Variants in VPS33B observed in about 807,000 individuals in gnomAD.
VPS33B encodes VPS33B late endosome and lysosome associated, also known as vacuolar protein sorting-associated protein 33B.
A neutral mutation model predicts 95.3 loss-of-function variants in VPS33B; 80 were observed. The observed-to-expected ratio is 0.84, with a 90% CI of 0.70 to 1.01. The LOEUF (loss-of-function observed/expected upper bound fraction) is 1.01, where lower values mean the gene tolerates loss of function less well. VPS33B is among the 50% of genes least tolerant of loss of function. VPS33B has a pLI of 0.00. For synonymous variants in VPS33B, 280 were observed against 280.4 expected, an observed-to-expected ratio of 1.00 and a Z score of 0.01; for missense variants, 715 against 773.4, an observed-to-expected ratio of 0.92 and a Z score of 0.90.
In VPS33B at chr15:91,005,618, G is replaced by C; in HGVS notation, c.1030+76C>G. The stretch of plus-strand genomic sequence containing the variant: ...TCAGATGAACAGGGATCTCCTCCTC[G>C]GGAGTAATGGTCCTCTGGAGCTTTC... On this transcript the variant is annotated intron_variant, in intron 13 of 22. Transcript: ENST00000333371. This position sits in a 1 kb window ranked among gnomAD's most constrained non-coding sequence, Gnocchi z 6.4. The C allele has an allele frequency of 6.3e-7, 1 of 1,588,106 alleles. No individual in the cohort carries two copies. The highest frequency in any genetic ancestry group is 1.7e-5 in the Admixed American group (1 of 59,978).
rs2040357823 is a variant in VPS33B, at chr15:90,999,113, C to A, written c.1775-59G>T. 8.6e-6 allele frequency: 13 copies of A among 1,519,574 alleles called. No individual in the cohort carries two copies. Among genetic ancestry groups the A allele is most frequent in the Non-Finnish European group, 1.2e-5 (13 of 1,100,030 alleles). 94.1% of individuals were successfully genotyped at this position (1,519,574 alleles called of 1,614,324 possible). ...CACAGATCTTAGGCCCCAACGGCAA[C>A]CCATAGAGCCTCTCCAGTTCCACAG... On this transcript the variant is annotated intron_variant, in intron 22 of 22. Coordinates refer to ENST00000333371, the MANE Select transcript of VPS33B (RefSeq NM_018668.5). This position sits in a 1 kb window ranked among gnomAD's most constrained non-coding sequence, Gnocchi z 5.1.
Position 91,005,588 on chromosome 15 carries a change from A to C in VPS33B, c.1030+106T>G. ...CCCACTTTACACCAAGTAAGACCAT[A>C]TGCATCAGATGAACAGGGATCTCCT... On this transcript the variant is annotated intron_variant, in intron 13 of 22. Coordinates refer to ENST00000333371, the MANE Select transcript of VPS33B (RefSeq NM_018668.5). This position sits in a 1 kb window ranked among gnomAD's most constrained non-coding sequence, Gnocchi z 6.4. The C allele has an allele frequency of 6.4e-7, 1 of 1,568,054 alleles. No individual in the cohort carries two copies. The highest frequency in any genetic ancestry group is 8.8e-7 in the Non-Finnish European group (1 of 1,138,182).
intron 1 of VPS33B, 88 bp from the exon 2 acceptor site, chr15:91,017,973 C>A: frequency 1.6e-6 from 2 of 1,249,030 alleles, no homozygotes; most frequent in Non-Finnish European, 2.3e-6. Flanking sequence ...CTAACAGAAA[C>A]AGTCTCTGAG....
At position 91,004,922 on chromosome 15, in the gene VPS33B, T is replaced by C. The variant is rs756348705; in HGVS notation, c.1180A>G (p.Ile394Val). 3 of 1,614,228 alleles carry C rather than the reference T, an allele frequency of 1.9e-6. No homozygotes were observed. In the Admixed American group the frequency reaches 5.0e-5, roughly 27 times the overall value. ...AGGCACATGAGGCGCAGGCTTTCTA[T>C]AGGCGACACCTGCATAGGAAGAAAG... is the stretch of plus-strand genomic sequence containing the variant. ...EEHIDRQVSP[I>V]ESLRLMCLLS... The change falls in exon 16 of 23, where the codon ATA becomes GTA. Residue 394 changes from isoleucine (I) to valine (V), a missense_variant. By Grantham distance (29) the Ile-to-Val change is conservative. Transcript: ENST00000333371.
At position 91,000,830 on chromosome 15, in the gene VPS33B, G is replaced by A; in HGVS notation, c.1480-239C>T. On this transcript the variant is annotated intron_variant, in intron 19 of 22. Coordinates refer to ENST00000333371, the MANE Select transcript of VPS33B (RefSeq NM_018668.5). This position sits in a 1 kb window ranked among gnomAD's most constrained non-coding sequence, Gnocchi z 4.9. ...AATAATGTAAAGGGGCTGGAGGGAT[G>A]GCTTCTCCTTTCCCTACCCTTAAGT... 2.0e-6 allele frequency: 1 copy of A among 493,514 alleles called. No homozygotes were observed. Among genetic ancestry groups the A allele is most frequent in the South Asian group, 2.0e-5 (1 of 49,680 alleles). The allele number at this position is 493,514 out of a possible 1,614,324, so 30.6% of individuals were successfully genotyped here. A position where few individuals can be genotyped will look rare whatever the true frequency, so the allele number is the denominator to read the frequency against.
In VPS33B at chr15:90,999,027, G is replaced by A. The variant is rs148962215; in HGVS notation, c.1802C>T (p.Ala601Val). The A allele has an allele frequency of 5.6e-6, 9 of 1,614,176 alleles. No individual in the cohort carries two copies. Among genetic ancestry groups the A allele is most frequent in the Non-Finnish European group, 7.6e-6 (9 of 1,180,032 alleles). Reference sequence around the variant, plus strand: ...CATAAGGCGAGCGCTGTTTGTGACTGCTGTCGTCAGGAAAATGAACCTGTA... The same window carrying A: ...CATAAGGCGAGCGCTGTTTGTGACTACTGTCGTCAGGAAAATGAACCTGTA... ...KGYRFIFLTT[A>V]VTNSARLMEA... is the part of the protein sequence containing the mutation. The change falls in exon 23 of 23, where the codon GCA (alanine) becomes GTA (valine). Residue 601 changes from alanine to valine, a missense_variant. Ala to Val is a moderately conservative substitution (Grantham distance 64, BLOSUM62 0). Coordinates refer to ENST00000333371, the MANE Select transcript of VPS33B (RefSeq NM_018668.5). The surrounding 1 kb of genome is among the most constrained non-coding windows in gnomAD (Gnocchi z 5.1).
chr15:91,020,569 T>C (rs1165879709), intron 1 of VPS33B, among the ~76,000 whole-genome samples: 3 of 152,184 alleles, frequency 2.0e-5, no homozygotes, highest in Non-Finnish European at 4.4e-5. Context: ...TGCATGTCAC[T>C]GTGCAAGCAC....
chr15:91,019,917 T>C (rs2041056350), intron 1 of VPS33B, among the ~76,000 whole-genome samples: 2 of 151,928 alleles, frequency 1.3e-5, no homozygotes, highest in African/African-American at 4.8e-5. Flanking sequence ...GCAATTCTCC[T>C]GCCTCAGCCT....
chr15:91,013,734 G>A lies in VPS33B; in HGVS notation c.357+70C>T. 6.5e-7 allele frequency: 1 copy of A among 1,529,800 alleles called. No homozygotes were observed. Among genetic ancestry groups the A allele is most frequent in the East Asian group, 2.2e-5 (1 of 44,504 alleles). 94.8% of individuals were successfully genotyped at this position (1,529,800 alleles called of 1,614,324 possible). A position where few individuals can be genotyped will look rare whatever the true frequency, so the allele number is the denominator to read the frequency against. On this transcript the variant is annotated intron_variant, in intron 5 of 22. Transcript: ENST00000333371. This position sits in a 1 kb window ranked among gnomAD's most constrained non-coding sequence, Gnocchi z 4.5. ...ACGGAGACAGGGAGGTAGTGCTGTT[G>A]GCCCCTTACCCCTGCCCGGTCCTCA...
At position 91,006,563 on chromosome 15, in the gene VPS33B, G is replaced by A. The variant is rs1038813113; in HGVS notation, c.778+89C>T. 3 of 1,608,334 alleles carry A rather than the reference G, an allele frequency of 1.9e-6. No individual in the cohort carries two copies. Among genetic ancestry groups the A allele is most frequent in the Non-Finnish European group, 2.6e-6 (3 of 1,174,796 alleles). ...AGCCAGCAGTTCATTCAGGGTCTGG[G>A]TCTCTCCCACAAACCCTGCCCCACG... is the stretch of plus-strand genomic sequence containing the variant. On this transcript the variant is annotated intron_variant, in intron 10 of 22. Transcript: ENST00000333371. The surrounding 1 kb of genome is among the most constrained non-coding windows in gnomAD (Gnocchi z 5.4).
chr15:91,018,015 C>T lies in VPS33B; in HGVS notation c.97-130G>A, dbSNP rs2040993445. 1 of 793,916 alleles carries T rather than the reference C, an allele frequency of 1.3e-6. No homozygotes were observed. The highest frequency in any genetic ancestry group is 2.0e-5 in the Admixed American group (1 of 51,182). The allele number at this position is 793,916 out of a possible 1,614,324, so 49.2% of individuals were successfully genotyped here. ...GGGCACTAAGTATCGTCTAGCCCGT[C>T]ACCTTATTTATTATCTGTATCCACA... On this transcript the variant is annotated intron_variant, in intron 1 of 22. Transcript: ENST00000333371. The surrounding 1 kb of genome is among the most constrained non-coding windows in gnomAD (Gnocchi z 4.7).
In VPS33B at chr15:91,020,585, A is replaced by G. The variant is rs144029166; in HGVS notation, c.96+1569T>C. 8.9e-4 allele frequency among the ~76,000 whole-genome samples: 135 copies of G among 152,300 alleles called. 1 individual carries two copies. The highest frequency in any genetic ancestry group is 3.2e-3 in the African/African-American group (133 of 41,560). Reference sequence around the variant, plus strand: ...GCATGTCACTGTGCAAGCACTAAGTATTAAAGAGAAAGAAGCCGGGAGTGG... The same window carrying G: ...GCATGTCACTGTGCAAGCACTAAGTGTTAAAGAGAAAGAAGCCGGGAGTGG... On this transcript the variant is annotated intron_variant, in intron 1 of 22. Transcript: ENST00000333371.
At chr15:91,019,001 G>T (rs1046493245) in intron 1 of VPS33B, among the ~76,000 whole-genome samples, 4 of 146,492 alleles carry the variant, frequency 2.7e-5, no homozygotes, top group African/African-American at 7.6e-5. Context: ...TTTTAGTAGA[G>T]ACGGTGTTTC....
rs2040462238 is a variant in VPS33B, at chr15:91,002,314, A to G, written c.1273-132T>C. On this transcript the variant is annotated intron_variant, in intron 17 of 22. Coordinates refer to ENST00000333371, the MANE Select transcript of VPS33B (RefSeq NM_018668.5). This position sits in a 1 kb window ranked among gnomAD's most constrained non-coding sequence, Gnocchi z 4.7. Reference sequence around the variant, plus strand: ...GAAGGAGCTCACACTTTGTTGAGATAAATTTTCACATCAGAAATAACCAAA... The same window carrying G: ...GAAGGAGCTCACACTTTGTTGAGATGAATTTTCACATCAGAAATAACCAAA... The G allele has an allele frequency of 3.8e-6, 5 of 1,322,734 alleles. No individual in the cohort carries two copies. Among genetic ancestry groups the G allele is most frequent in the Non-Finnish European group, 5.3e-6 (5 of 950,306 alleles). The allele number at this position is 1,322,734 out of a possible 1,614,324, so 81.9% of individuals were successfully genotyped here. A position where few individuals can be genotyped will look rare whatever the true frequency, so the allele number is the denominator to read the frequency against.
Position 91,000,782 on chromosome 15 carries a change from T to C in VPS33B, c.1480-191A>G, listed in dbSNP as rs1490268639. 3 of 569,520 alleles carry C rather than the reference T, an allele frequency of 5.3e-6. No homozygotes were observed. The highest frequency in any genetic ancestry group is 9.6e-6 in the Non-Finnish European group (3 of 311,174). The allele number at this position is 569,520 out of a possible 1,614,324, so 35.3% of individuals were successfully genotyped here. A position where few individuals can be genotyped will look rare whatever the true frequency, so the allele number is the denominator to read the frequency against. On this transcript the variant is annotated intron_variant, in intron 19 of 22. Coordinates refer to ENST00000333371, the MANE Select transcript of VPS33B (RefSeq NM_018668.5). The surrounding 1 kb of genome is among the most constrained non-coding windows in gnomAD (Gnocchi z 4.9). ...TTCAGTAACTGCCAGTTCTCTGGAATGAGTTCCCATGCGCCATTATTGAAT... is the reference window on the plus strand; with the variant it reads ...TTCAGTAACTGCCAGTTCTCTGGAACGAGTTCCCATGCGCCATTATTGAAT...
rs538468143 is a variant in VPS33B, at chr15:91,013,058, G to A, written c.357+746C>T. ...GGAAGAGGGAGGGTGATGATTTATC[G>A]TATTTATTCTTAAAGGGATACAGGG... On this transcript the variant is annotated intron_variant, in intron 5 of 22. Coordinates refer to ENST00000333371, the MANE Select transcript of VPS33B (RefSeq NM_018668.5). The surrounding 1 kb of genome is among the most constrained non-coding windows in gnomAD (Gnocchi z 4.5). Among the ~76,000 whole-genome samples, 24 of 152,252 alleles carry A rather than the reference G, an allele frequency of 1.6e-4. No homozygotes were observed. The highest frequency in any genetic ancestry group is 5.3e-4 in the African/African-American group (22 of 41,528).
chr15:91,020,838 G>GA (rs2151687564), intron 1 of VPS33B, among the ~76,000 whole-genome samples: 1 of 152,206 alleles, frequency 6.6e-6, no homozygotes, highest in South Asian at 2.1e-4. Context: ...CCAAGATCGC[G>GA]CCACTGCACT....
rs140237411 is a variant in VPS33B, at chr15:91,005,709, G to C, written c.1015C>G (p.Arg339Gly). Reference protein sequence around the residue: ...QELKGLKQEHRLLSLHIGACE... With the variant: ...QELKGLKQEHGLLSLHIGACE... ...TGAAACCTACGGAGACTCAGCAGGC[G>C]GTGCTCCTGTTTCAGGCCCTTGAGC... Residue 339 changes from arginine (R) to glycine (G), a missense_variant, in exon 13 of 23, where the codon CGC becomes GGC. Coordinates refer to ENST00000333371, the MANE Select transcript of VPS33B (RefSeq NM_018668.5). This position sits in a 1 kb window ranked among gnomAD's most constrained non-coding sequence, Gnocchi z 6.4. The C allele has an allele frequency of 1.7e-5, 27 of 1,613,954 alleles. No homozygotes were observed. The African/African-American group carries it at 3.5e-4, about 21-fold the overall frequency.
At position 91,006,669 on chromosome 15, in the gene VPS33B, G is replaced by C. The variant is rs144850957; in HGVS notation, c.761C>G (p.Thr254Ser). 2 of 1,614,052 alleles carry C rather than the reference G, an allele frequency of 1.2e-6. No homozygotes were observed. Among genetic ancestry groups the C allele is most frequent in the African/African-American group, 2.7e-5 (2 of 74,918 alleles). The change falls in exon 10 of 23, where the codon ACC becomes AGC. Residue 254 changes from threonine to serine, a missense_variant. Coordinates refer to ENST00000333371, the MANE Select transcript of VPS33B (RefSeq NM_018668.5). This position sits in a 1 kb window ranked among gnomAD's most constrained non-coding sequence, Gnocchi z 5.4. ...GCACTTACCACACTTGATGCGGAAG[G>C]TGTCATCTACTAGGCCCTCATAAAC... Reference protein sequence around the residue: ...QVVYEGLVDDTFRIKCGSVDF... With the variant: ...QVVYEGLVDDSFRIKCGSVDF...
Sources: gnomAD v4.1 joint callset for allele counts (sites outside exome capture counted in the v4.1 genomes callset) on GRCh38, gnomAD v4.1.1 for gene constraint, Gnocchi (gnomAD v3.1) non-coding constraint, MANE v1.5 for transcripts, NCBI Gene and HGNC (gene_info 2026-07-23, HGNC 2026-07-21) for gene names.